The following EIF5B variants were observed in gnomAD, a reference collection of about 807,000 sequenced individuals.
EIF5B encodes eIF-5B.
In EIF5B, 47 loss-of-function variants were observed where a neutral mutation model predicts 147.5. The observed-to-expected ratio is 0.32, with a 90% CI of 0.25 to 0.41. The LOEUF (loss-of-function observed/expected upper bound fraction) is 0.41. Ranked by LOEUF, EIF5B falls within the 10% of genes least tolerant of loss-of-function variation. EIF5B has a pLI of 1.00. For synonymous variants in EIF5B, 455 were observed against 456.2 expected (o/e 1.00, Z 0.03); for missense variants, 1,064 against 1,413.2 (o/e 0.75, Z 3.96).
intron 11 of EIF5B, 89 bp downstream of exon 11, chr2:99,379,215 T>C (rs1337604893): frequency 2.1e-6 from 3 of 1,406,912 alleles, no homozygotes; most frequent in Non-Finnish European, 2.9e-6. Flanking sequence ...ATAGGACATA[T>C]AAGCAATTCT....
chr2:99,396,307 G>A (rs550048724), intron 21 of EIF5B, among the ~76,000 whole-genome samples: 28 of 152,286 alleles, frequency 1.8e-4, no homozygotes, highest in Non-Finnish European at 3.8e-4. Context: ...GTTTGGGAAC[G>A]TGGTGGAGAA....
chr2:99,401,215 G>A lies in EIF5B; in HGVS notation c.*1801G>A. On this transcript the variant is annotated 3_prime_UTR_variant, in exon 24 of 24. Coordinates refer to ENST00000289371, the MANE Select transcript of EIF5B (RefSeq NM_015904.4). ...ACAAGCACTTATGGCACAGCTATCA[G>A]AGAGCATCAGGCTCTCTGGTAATAT... is the stretch of plus-strand genomic sequence containing the variant. The A allele has an allele frequency of 7.1e-7, 1 of 1,402,706 alleles. No homozygotes were observed. The highest frequency in any genetic ancestry group is 1.0e-6 in the Non-Finnish European group (1 of 988,044). 86.9% of individuals were successfully genotyped at this position (1,402,706 alleles called of 1,614,324 possible).
intron 8 of EIF5B, among the ~76,000 whole-genome samples, chr2:99,370,847 T>C (rs1674431045): frequency 6.6e-6 from 1 of 152,234 alleles, no homozygotes; most frequent in East Asian, 1.9e-4. Context: ...CTGGCTGTTT[T>C]GGGGTTATGA....
At chr2:99,353,848 A>C (rs1450622963) in intron 1 of EIF5B, among the ~76,000 whole-genome samples, 1 of 152,184 alleles carries the variant, frequency 6.6e-6, no homozygotes, top group Non-Finnish European at 1.5e-5. Context: ...AAGTTGTTGC[A>C]TGTATCAATG....
chr2:99,337,414 C>G lies in EIF5B; in HGVS notation c.-141C>G. The G allele has an allele frequency of 9.8e-7, 1 of 1,020,048 alleles. No homozygotes were observed. The highest frequency in any genetic ancestry group is 1.5e-6 in the Non-Finnish European group (1 of 666,240). The allele number at this position is 1,020,048 out of a possible 1,614,324, so 63.2% of individuals were successfully genotyped here. On this transcript the variant is annotated 5_prime_UTR_variant, in exon 1 of 24. Coordinates refer to ENST00000289371, the MANE Select transcript of EIF5B (RefSeq NM_015904.4). Reference sequence around the variant, plus strand: ...ACACCATATGTGTCCTGTTCCAGTGCGCGGGTCTGTGGAGAGCCGGGTGCG... The same window carrying G: ...ACACCATATGTGTCCTGTTCCAGTGGGCGGGTCTGTGGAGAGCCGGGTGCG...
chr2:99,401,160 C>T lies in EIF5B; in HGVS notation c.*1746C>T. 1.4e-6 allele frequency: 1 copy of T among 736,312 alleles called. No individual in the cohort carries two copies. The highest frequency in any genetic ancestry group is 2.3e-6 in the Non-Finnish European group (1 of 440,892). 45.6% of individuals were successfully genotyped at this position (736,312 alleles called of 1,614,324 possible). A position where few individuals can be genotyped will look rare whatever the true frequency, so the allele number is the denominator to read the frequency against. ...AATTTAAAATTATAAAAACTCCGAG[C>T]ATTACTATCATGCACTTTGCAAATA... On this transcript the variant is annotated 3_prime_UTR_variant, in exon 24 of 24. Coordinates refer to ENST00000289371, the MANE Select transcript of EIF5B (RefSeq NM_015904.4).
chr2:99,349,822 G>T (rs6713608), intron 1 of EIF5B, among the ~76,000 whole-genome samples: 66,379 of 151,894 alleles, frequency 0.44, 14,778 homozygotes, highest in Admixed American at 0.57. Flanking sequence ...CATTCCAAAT[G>T]CTCTTTTCTA....
intron 9 of EIF5B, 94 bp downstream of exon 9, chr2:99,371,824 A>G: frequency 8.4e-7 from 1 of 1,194,920 alleles, no homozygotes; most frequent in Non-Finnish European, 1.1e-6. Context: ...TATGAAAGCC[A>G]TATGAACATT....
chr2:99,352,584 C>G (rs2105339548), intron 1 of EIF5B, among the ~76,000 whole-genome samples: 1 of 149,350 alleles, frequency 6.7e-6, no homozygotes, highest in African/African-American at 2.5e-5. Flanking sequence ...CACAGTGATG[C>G]TTGTGCCTTA....
At chr2:99,378,689 G>A (rs1316409114) in intron 10 of EIF5B, among the ~76,000 whole-genome samples, 5 of 152,168 alleles carry the variant, frequency 3.3e-5, no homozygotes, top group Admixed American at 2.0e-4. Context: ...AGTATGATGG[G>A]AAGATTGATT....
At chr2:99,383,094 A>T (rs1335850009) in intron 14 of EIF5B, among the ~76,000 whole-genome samples, 173 bp downstream of exon 14, 3 of 150,476 alleles carry the variant, frequency 2.0e-5, no homozygotes, top group Admixed American at 6.6e-5. Context: ...TTTTTTTTTT[A>T]AATACAAATT....
intron 1 of EIF5B, among the ~76,000 whole-genome samples, chr2:99,354,276 T>G (rs1164174288): frequency 4.6e-5 from 7 of 152,244 alleles, no homozygotes; most frequent in African/African-American, 1.4e-4. Flanking sequence ...ATTGTGGTTT[T>G]AATTTGCATT....
In EIF5B at chr2:99,399,519, C is replaced by CT. The variant is rs1675153923; in HGVS notation, c.*107dup. 3.9e-6 allele frequency: 4 copies of CT among 1,020,802 alleles called. No individual in the cohort carries two copies. The highest frequency in any genetic ancestry group is 5.9e-6 in the Non-Finnish European group (4 of 682,714). The allele number at this position is 1,020,802 out of a possible 1,614,324, so 63.2% of individuals were successfully genotyped here. ...ACAGACGTATTTGGACACTGATGGACTTAAGTATGGAAGGAAGAAAAATAG... is the reference window on the plus strand; with the variant it reads ...ACAGACGTATTTGGACACTGATGGACTTTAAGTATGGAAGGAAGAAAAATAG... On this transcript the variant is annotated 3_prime_UTR_variant, in exon 24 of 24. Coordinates refer to ENST00000289371, the MANE Select transcript of EIF5B (RefSeq NM_015904.4).
chr2:99,344,899 C>A (rs542637479), intron 1 of EIF5B, among the ~76,000 whole-genome samples: 3 of 152,260 alleles, frequency 2.0e-5, no homozygotes, highest in African/African-American at 4.8e-5. Flanking sequence ...CCTTTCTTTT[C>A]TCCATTATCT....
At position 99,390,286 on chromosome 2, in the gene EIF5B, C is replaced by T; in HGVS notation, c.2471C>T (p.Ser824Phe). ...PRTFVSLVPT[S>F]AHTGDGMGSL... The stretch of plus-strand genomic sequence containing the variant: ...ACTTTTGTGTCTTTGGTACCTACCT[C>T]TGCACATACTGGTGATGGCATGGGA... Residue 824 changes from serine to phenylalanine, a missense_variant, in exon 16 of 24, where the codon TCT becomes TTT. By Grantham distance (155) the Ser-to-Phe change is radical. Around this residue, in one of 4 missense-constraint regions of EIF5B, gnomAD observed 380 missense variants for 715.6 expected, o/e 0.53. Coordinates refer to ENST00000289371, the MANE Select transcript of EIF5B (RefSeq NM_015904.4). 1 of 1,614,138 alleles carries T rather than the reference C, an allele frequency of 6.2e-7. No individual in the cohort carries two copies. The highest frequency in any genetic ancestry group is 8.5e-7 in the Non-Finnish European group (1 of 1,180,020).
At position 99,369,421 on chromosome 2, in the gene EIF5B, G is replaced by T. The variant is rs748958387; in HGVS notation, c.1417G>T (p.Val473Leu). 2 of 1,611,768 alleles carry T rather than the reference G, an allele frequency of 1.2e-6. No homozygotes were observed. The highest frequency in any genetic ancestry group is 3.3e-5 in the Admixed American group (2 of 59,930). ...VSESMELCAAVEVMEQGVPEK... is the reference protein window; with the variant it reads ...VSESMELCAALEVMEQGVPEK... The stretch of plus-strand genomic sequence containing the variant: ...TGAATCAATGGAATTATGTGCTGCT[G>T]TAGAAGTTATGGAACAAGGAGTACC... Residue 473 changes from valine (V) to leucine (L), a missense_variant, in exon 8 of 24, where the codon GTA becomes TTA. By Grantham distance (32) the Val-to-Leu change is conservative. Transcript: ENST00000289371.
At chr2:99,390,733 G>T (rs778555426) in intron 17 of EIF5B, 28 bp downstream of exon 17, 2 of 1,585,158 alleles carry the variant, frequency 1.3e-6, no homozygotes, top group Non-Finnish European at 1.7e-6. Flanking sequence ...GCATTGACAC[G>T]TGGGGACTTG....
At chr2:99,367,973 T>C (rs1674365788) in intron 6 of EIF5B, among the ~76,000 whole-genome samples, 2 of 152,210 alleles carry the variant, frequency 1.3e-5, no homozygotes, top group African/African-American at 4.8e-5. Flanking sequence ...AACTCAAATG[T>C]CCTTCAGCTG....
chr2:99,347,225 T>A (rs546483709), intron 1 of EIF5B, among the ~76,000 whole-genome samples: 8 of 152,204 alleles, frequency 5.3e-5, no homozygotes, highest in African/African-American at 1.9e-4. Flanking sequence ...CAGGCTGGTT[T>A]TGAACTCCTG....
Sources: gnomAD v4.1 joint callset for allele counts (sites outside exome capture counted in the v4.1 genomes callset) on GRCh38, gnomAD v4.1.1 for gene constraint, gnomAD v4.1.1 regional missense constraint, MANE v1.5 for transcripts, NCBI Gene and HGNC (gene_info 2026-07-23, HGNC 2026-07-21) for gene names.